The following NRROS variants were observed in gnomAD, a reference collection of about 807,000 sequenced individuals.
NRROS encodes negative regulator of reactive oxygen species.
NRROS carries 6 observed loss-of-function variants against 12.0 expected under a neutral mutation model. The ratio of observed to expected loss-of-function variants is 0.50; its 90% CI spans 0.27 to 0.98. The LOEUF (loss-of-function observed/expected upper bound fraction) is 0.98. Ranked by LOEUF, NRROS falls within the 50% of genes least tolerant of loss-of-function variation. NRROS has a pLI of 0.11. For synonymous variants in NRROS, 462 were observed against 410.2 expected (o/e 1.13, Z -1.53); for missense variants, 857 against 888.2 (o/e 0.96, Z 0.45).
At chr3:196,642,456 G>A (rs56278785) in intron 1 of NRROS, among the ~76,000 whole-genome samples, 6,551 of 152,198 alleles carry the variant, frequency 0.043, 165 homozygotes, top group Non-Finnish European at 0.055. Context: ...GGCAAGTCCC[G>A]GAGCTGGTGG....
chr3:196,657,779 A>C (rs1353321417), intron 2 of NRROS, among the ~76,000 whole-genome samples: 1 of 151,998 alleles, frequency 6.6e-6, no homozygotes, highest in Non-Finnish European at 1.5e-5. Context: ...CAATCAAAAT[A>C]CCAAAGAGGG....
At position 196,652,691 on chromosome 3, in the gene NRROS, G is replaced by A. The variant is rs529677303; in HGVS notation, c.-13-1836G>A. Among the ~76,000 whole-genome samples, 8 of 152,278 alleles carry A rather than the reference G, an allele frequency of 5.3e-5. No homozygotes were observed. The East Asian group carries it at 1.5e-3, about 29-fold the overall frequency. On this transcript the variant is annotated intron_variant, in intron 1 of 2. Transcript: ENST00000328557. ...ACCCATAAATTAAAATGCCCCTCCT[G>A]AGTGTGACACAAGGCCTGGCTTGCC...
intron 1 of NRROS, among the ~76,000 whole-genome samples, chr3:196,648,823 C>T (rs1737359286): frequency 6.7e-6 from 1 of 149,906 alleles, no homozygotes; most frequent in African/African-American, 2.5e-5. Flanking sequence ...ATTCACTGCA[C>T]TTGGTTAAAT....
At chr3:196,651,918 C>A (rs544619441) in intron 1 of NRROS, among the ~76,000 whole-genome samples, 111 of 152,304 alleles carry the variant, frequency 7.3e-4, no homozygotes, top group African/African-American at 2.6e-3. Context: ...TACTGTCTGA[C>A]CTCCCAGGAG....
In NRROS at chr3:196,660,445, C is replaced by A; in HGVS notation, c.802C>A (p.Leu268Met). Reference sequence around the variant, plus strand: ...CAACCAGCTGCTGTTCTTCCCGCTGCTGCCCCAGTACAGCAAGTTGCGGAC... The same window carrying A: ...CAACCAGCTGCTGTTCTTCCCGCTGATGCCCCAGTACAGCAAGTTGCGGAC... ...SHNQLLFFPL[L>M]PQYSKLRTLL... is the part of the protein sequence containing the mutation. The change falls in exon 3 of 3, where the codon CTG (leucine) becomes ATG (methionine). Residue 268 changes from leucine to methionine, a missense_variant. By Grantham distance (15) the Leu-to-Met change is conservative. Transcript: ENST00000328557. The surrounding 1 kb of genome is among the most constrained non-coding windows in gnomAD (Gnocchi z 7.7). The A allele has an allele frequency of 6.2e-7, 1 of 1,614,042 alleles. No individual in the cohort carries two copies. The highest frequency in any genetic ancestry group is 8.5e-7 in the Non-Finnish European group (1 of 1,179,964).
At position 196,654,917 on chromosome 3, in the gene NRROS, C is replaced by T. The variant is rs540103986; in HGVS notation, c.108+270C>T. 36 of 368,734 alleles carry T rather than the reference C, an allele frequency of 9.8e-5. 1 individual carries two copies. The highest frequency in any genetic ancestry group is 1.5e-3 in the Middle Eastern group (2 of 1,302). The allele number at this position is 368,734 out of a possible 1,614,324, so 22.8% of individuals were successfully genotyped here. ...CCGAGACCAGCCTAGGGCATCCTCC[C>T]GGAACAAGAACAACTTGTTAAAAAT... On this transcript the variant is annotated intron_variant, in intron 2 of 2. Transcript: ENST00000328557. This position sits in a 1 kb window ranked among gnomAD's most constrained non-coding sequence, Gnocchi z 4.4.
At chr3:196,652,981 G>A (rs1737458810) in intron 1 of NRROS, among the ~76,000 whole-genome samples, 1 of 152,218 alleles carries the variant, frequency 6.6e-6, no homozygotes, top group Non-Finnish European at 1.5e-5. Flanking sequence ...ATCTAGCATT[G>A]AAATGATGCC....
intron 1 of NRROS, among the ~76,000 whole-genome samples, chr3:196,647,816 C>T (rs1737340533): frequency 6.6e-6 from 1 of 152,218 alleles, no homozygotes; most frequent in South Asian, 2.1e-4. Context: ...GCCTTGGCCT[C>T]CCAAAGTGCT....
intron 1 of NRROS, among the ~76,000 whole-genome samples, chr3:196,641,055 T>G (rs566834160): frequency 4.6e-5 from 7 of 151,922 alleles, no homozygotes. Flanking sequence ...CCTCTTAGGT[T>G]TGTGTGTGTG....
rs775627657 is a variant in NRROS, at chr3:196,659,431, C to T, written c.109-321C>T. Among the ~76,000 whole-genome samples the T allele has an allele frequency of 2.0e-4, 31 of 151,644 alleles. 1 individual carries two copies. Among genetic ancestry groups the T allele is most frequent in the South Asian group, 8.3e-4 (4 of 4,802 alleles). On this transcript the variant is annotated intron_variant, in intron 2 of 2. Coordinates refer to ENST00000328557, the MANE Select transcript of NRROS (RefSeq NM_198565.3). The stretch of plus-strand genomic sequence containing the variant: ...TCAAGCAATTCTCTGCCTCAGCCTC[C>T]GGAGTAGCTGGGATTACAGGTGTCC...
intron 1 of NRROS, among the ~76,000 whole-genome samples, chr3:196,651,635 C>G (rs916047577): frequency 3.9e-5 from 6 of 152,124 alleles, no homozygotes; most frequent in East Asian, 1.9e-4. Context: ...GGCGTGGTGG[C>G]GTGCACCTGT....
At chr3:196,651,573 C>G (rs1326441680) in intron 1 of NRROS, among the ~76,000 whole-genome samples, 1 of 152,102 alleles carries the variant, frequency 6.6e-6, no homozygotes, top group African/African-American at 2.4e-5. Context: ...TTGAGACCAG[C>G]CTGGCCAACA....
chr3:196,644,723 A>T (rs1269455685), intron 1 of NRROS, among the ~76,000 whole-genome samples: 1 of 149,644 alleles, frequency 6.7e-6, no homozygotes, highest in Non-Finnish European at 1.5e-5. Context: ...CAGCGAGCAG[A>T]GATCGCACCA....
intron 1 of NRROS, among the ~76,000 whole-genome samples, chr3:196,647,691 TG>T (rs1247475355): frequency 6.6e-6 from 1 of 152,198 alleles, no homozygotes; most frequent in Non-Finnish European, 1.5e-5. Context: ...CCCGAGTAGC[TG>T]GAATTACAGG....
rs576532865 is a variant in NRROS, at chr3:196,657,700, T to G, written c.109-2052T>G. On this transcript the variant is annotated intron_variant, in intron 2 of 2. Coordinates refer to ENST00000328557, the MANE Select transcript of NRROS (RefSeq NM_198565.3). Reference sequence around the variant, plus strand: ...CCAGCCTGGACGACAAGAGTGAGACTCTGTCTCAAAAAAAAAAAAAAAAGA... The same window carrying G: ...CCAGCCTGGACGACAAGAGTGAGACGCTGTCTCAAAAAAAAAAAAAAAAGA... Among the ~76,000 whole-genome samples, 595 of 133,512 alleles carry G rather than the reference T, an allele frequency of 4.5e-3. 2 individuals carry two copies. The highest frequency in any genetic ancestry group is 0.012 in the Admixed American group (151 of 12,176). 87.6% of individuals were successfully genotyped at this position (133,512 alleles called of 152,430 possible).
chr3:196,661,299 A>G lies in NRROS; in HGVS notation c.1656A>G (p.Pro552=). Residue 552 remains proline, a synonymous_variant, in exon 3 of 3, where the codon CCA becomes CCG. Transcript: ENST00000328557. ...CGGGGAATTGCTTGACCACCTTCCC[A>G]AGGTTTGGGGGCAGCCTGGCCCTGG... ...DLSGNCLTTF[P]RFGGSLALET... 2 of 1,610,288 alleles carry G rather than the reference A, an allele frequency of 1.2e-6. No homozygotes were observed. The highest frequency in any genetic ancestry group is 1.1e-5 in the South Asian group (1 of 90,530).
chr3:196,647,228 A>G (rs1737329946), intron 1 of NRROS, among the ~76,000 whole-genome samples: 1 of 152,246 alleles, frequency 6.6e-6, no homozygotes, highest in South Asian at 2.1e-4. Flanking sequence ...CATTGAATCA[A>G]AAAGAATCCA....
chr3:196,650,292 C>T (rs1020326282), intron 1 of NRROS, among the ~76,000 whole-genome samples: 18 of 152,096 alleles, frequency 1.2e-4, no homozygotes, highest in South Asian at 4.1e-4. Flanking sequence ...TACAGGCATC[C>T]GCCACCACGC....
At position 196,643,741 on chromosome 3, in the gene NRROS, TG is replaced by T. The variant is rs1394722653; in HGVS notation, c.-14+3867del. On this transcript the variant is annotated intron_variant, in intron 1 of 2. Coordinates refer to ENST00000328557, the MANE Select transcript of NRROS (RefSeq NM_198565.3). ...ATGTCAACTGGACATGGACTCCTGCTGATCCTCCCTACTGTCATTCACTCCT... is the reference window on the plus strand; with the variant it reads ...ATGTCAACTGGACATGGACTCCTGCTATCCTCCCTACTGTCATTCACTCCT... 2.0e-5 allele frequency among the ~76,000 whole-genome samples: 3 copies of T among 152,236 alleles called. No homozygotes were observed. In the East Asian group the frequency reaches 5.8e-4, roughly 29 times the overall value.
Sources: allele counts gnomAD v4.1 joint callset (sites outside exome capture counted in the v4.1 genomes callset), GRCh38; gene constraint gnomAD v4.1.1; non-coding constraint Gnocchi (gnomAD v3.1); transcripts MANE v1.5; gene names NCBI Gene and HGNC (gene_info 2026-07-23, HGNC 2026-07-21).